The following SLC3A2 variants were observed in gnomAD, a reference collection of about 807,000 sequenced individuals.
The protein encoded by SLC3A2 is amino acid transporter heavy chain SLC3A2.
Under a neutral mutation model 48.5 loss-of-function variants are expected in SLC3A2, and 32 were observed. The observed-to-expected ratio is 0.66, with a 90% CI of 0.50 to 0.89. SLC3A2 has a LOEUF of 0.89. SLC3A2 is among the 40% of genes least tolerant of loss of function. The pLI, the probability that SLC3A2 is intolerant of heterozygous loss-of-function variation, is 0.00. For missense variants in SLC3A2, 587 were observed against 680.7 expected (o/e 0.86, Z 1.53); for synonymous variants, 277 against 288.8 (o/e 0.96, Z 0.41).
At chr11:62,887,866 C>G (rs2085735112) in intron 7 of SLC3A2, 1 of 345,044 alleles carries the variant, frequency 2.9e-6, no homozygotes, top group Admixed American at 4.0e-5. Context: ...AGTCATGGCT[C>G]ACTGCAAGCT....
intron 1 of SLC3A2, among the ~76,000 whole-genome samples, chr11:62,862,753 C>T (rs2085414930): frequency 6.6e-6 from 1 of 152,086 alleles, no homozygotes; most frequent in South Asian, 2.1e-4. Flanking sequence ...CATTGACTGT[C>T]CTACCTTACC....
At chr11:62,865,379 C>T (rs371797062) in intron 1 of SLC3A2, among the ~76,000 whole-genome samples, 15 of 151,956 alleles carry the variant, frequency 9.9e-5, no homozygotes, top group African/African-American at 3.6e-4. Flanking sequence ...GTGGCGAAAC[C>T]CCATCTCTAC....
Position 62,881,392 on chromosome 11 carries a change from C to G in SLC3A2, c.369C>G (p.Leu123=). 11 of 1,596,504 alleles carry G rather than the reference C, an allele frequency of 6.9e-6. No individual in the cohort carries two copies. The highest frequency in any genetic ancestry group is 9.3e-6 in the Non-Finnish European group (11 of 1,177,860). The change falls in exon 1 of 9, where the codon CTC becomes CTG. Residue 123 remains leucine, a synonymous_variant. Coordinates refer to ENST00000338663, the MANE Select transcript of SLC3A2 (RefSeq NM_001013251.3). The surrounding 1 kb of genome is among the most constrained non-coding windows in gnomAD (Gnocchi z 4.0). Reference sequence around the variant, plus strand: ...AGAAGTGGTGGCACACGGGCGCCCTCTACCGCATCGGCGACCTTCAGGCCT... The same window carrying G: ...AGAAGTGGTGGCACACGGGCGCCCTGTACCGCATCGGCGACCTTCAGGCCT... The part of the protein sequence containing the change: ...PAQKWWHTGA[L]YRIGDLQAFQ...
At position 62,856,380 on chromosome 11, in the gene SLC3A2, A is replaced by G. The variant is rs2085322463; in HGVS notation, c.111A>G (p.Ser37=). 2.5e-6 allele frequency: 4 copies of G among 1,606,414 alleles called. No individual in the cohort carries two copies. In the Admixed American group the frequency reaches 5.0e-5, roughly 20 times the overall value. The change falls in exon 1 of 10, where the codon TCA becomes TCG. Residue 37 remains serine (S), a splice_region_variant and synonymous_variant. Coordinates refer to the SLC3A2 transcript ENST00000377889. ...AGGGTCTCAGCGCGGGGGACGACTCAGGTACTGGATCCCGGGCTAAGCTCG... is the reference window on the plus strand; with the variant it reads ...AGGGTCTCAGCGCGGGGGACGACTCGGGTACTGGATCCCGGGCTAAGCTCG...
In SLC3A2 at chr11:62,888,541, T is replaced by TC. The variant is rs768966015; in HGVS notation, c.1440dup (p.Asp481ArgfsTer13). ...GGGCCTCTCGGCTGGACTGCAGGCC[T>TC]CCGACCTGCCTGCCAGCGCCAGCCT... On this transcript the variant is annotated frameshift_variant, in exon 9 of 9. Transcript: ENST00000338663. LOFTEE classifies it low-confidence loss of function (END_TRUNC). 6.2e-7 allele frequency: 1 copy of TC among 1,614,178 alleles called. No homozygotes were observed. Among genetic ancestry groups the TC allele is most frequent in the Non-Finnish European group, 8.5e-7 (1 of 1,180,028 alleles).
At chr11:62,859,647 C>T (rs2085376949) in intron 1 of SLC3A2, among the ~76,000 whole-genome samples, 1 of 152,102 alleles carries the variant, frequency 6.6e-6, no homozygotes. Context: ...GAGCCAAGAT[C>T]ACCCCACTGC....
chr11:62,879,521 C>T (rs1590630823), upstream of SLC3A2, among the ~76,000 whole-genome samples: 1 of 152,208 alleles, frequency 6.6e-6, no homozygotes. Context: ...GGTCTGAACC[C>T]ACTTGCTTGC....
At chr11:62,876,083 T>C (rs1409170717), upstream of SLC3A2, among the ~76,000 whole-genome samples, 1 of 152,242 alleles carries the variant, frequency 6.6e-6, no homozygotes, top group East Asian at 1.9e-4. Flanking sequence ...GAGGCTGGTC[T>C]CAAACTACTG....
chr11:62,880,908 C>G lies in SLC3A2; in HGVS notation c.-116C>G, dbSNP rs1255609987. The stretch of plus-strand genomic sequence containing the variant: ...CCTGCTGCTGAGCAGATGCAGTAGC[C>G]GAAACTGCGCGGAGGCACAGAGGCC... On this transcript the variant is annotated 5_prime_UTR_variant, in exon 1 of 9. Coordinates refer to ENST00000338663, the MANE Select transcript of SLC3A2 (RefSeq NM_001013251.3). The G allele has an allele frequency of 2.8e-6, 4 of 1,451,542 alleles. No homozygotes were observed. The highest frequency in any genetic ancestry group is 3.0e-5 in the South Asian group (2 of 67,762). The allele number at this position is 1,451,542 out of a possible 1,614,324, so 89.9% of individuals were successfully genotyped here. A position where few individuals can be genotyped will look rare whatever the true frequency, so the allele number is the denominator to read the frequency against.
At chr11:62,884,813 CTTTTTTTTTTTTTTTTTTT>C (rs541507991) in intron 5 of SLC3A2, 123 bp downstream of exon 5, 83 of 55,982 alleles carry the variant, frequency 1.5e-3, no homozygotes, top group Non-Finnish European at 1.5e-3. Flanking sequence ...CTTTCTTTAG[CTTTTTTTTTTTTTTTTTTT>C]TTTTTTTTTT....
In SLC3A2 at chr11:62,882,023, C is replaced by T; in HGVS notation, c.555C>T (p.Ser185=). 1 of 1,614,154 alleles carries T rather than the reference C, an allele frequency of 6.2e-7. No individual in the cohort carries two copies. Among genetic ancestry groups the T allele is most frequent in the South Asian group, 1.1e-5 (1 of 91,082 alleles). The part of the protein sequence containing the change: ...DLLQIDPNFG[S]KEDFDSLLQS... ...TGCAGATCGACCCCAATTTTGGCTC[C>T]AAGGAAGATTTTGACAGTCTCTTGC... The change falls in exon 2 of 9, where the codon TCC becomes TCT. Residue 185 remains serine (S), a synonymous_variant. Coordinates refer to ENST00000338663, the MANE Select transcript of SLC3A2 (RefSeq NM_001013251.3).
At chr11:62,874,240 G>T (rs1433906109) in intron 1 of SLC3A2, among the ~76,000 whole-genome samples, 1 of 151,838 alleles carries the variant, frequency 6.6e-6, no homozygotes, top group Non-Finnish European at 1.5e-5. Flanking sequence ...GTCTCTTATT[G>T]CTACTTATCT....
In SLC3A2 at chr11:62,881,356, G is replaced by A. The variant is rs1238286167; in HGVS notation, c.333G>A (p.Glu111=). 1 of 1,596,160 alleles carries A rather than the reference G, an allele frequency of 6.3e-7. No individual in the cohort carries two copies. The highest frequency in any genetic ancestry group is 8.5e-7 in the Non-Finnish European group (1 of 1,176,144). The part of the protein sequence containing the change: ...VIIVRAPRCR[E]LPAQKWWHTG... ...TCGTGCGAGCGCCGCGTTGTCGCGAGCTACCGGCGCAGAAGTGGTGGCACA... is the reference window on the plus strand; with the variant it reads ...TCGTGCGAGCGCCGCGTTGTCGCGAACTACCGGCGCAGAAGTGGTGGCACA... Residue 111 remains glutamate (E), a synonymous_variant, in exon 1 of 9, where the codon GAG becomes GAA. Coordinates refer to ENST00000338663, the MANE Select transcript of SLC3A2 (RefSeq NM_001013251.3). This position sits in a 1 kb window ranked among gnomAD's most constrained non-coding sequence, Gnocchi z 4.0.
intron 2 of SLC3A2, 50 bp from the exon 3 acceptor site, chr11:62,882,858 C>A: frequency 7.0e-7 from 1 of 1,423,020 alleles, no homozygotes; most frequent in South Asian, 1.1e-5. Context: ...TCCTTATTTT[C>A]CCTTAACTCA....
chr11:62,872,283 G>A (rs543983507), intron 1 of SLC3A2, among the ~76,000 whole-genome samples: 1 of 152,166 alleles, frequency 6.6e-6, no homozygotes, highest in Admixed American at 6.6e-5. Context: ...TAGCACTTTG[G>A]GAGGCAGATC....
Position 62,884,453 on chromosome 11 carries a change from A to G in SLC3A2, c.691-4A>G, listed in dbSNP as rs370710305. ...TCTGTCCTTTATTCTTCTGCCCCCT[A>G]TAGGATGCTCTGGAGTTTTGGCTGC... On this transcript the variant is annotated splice_polypyrimidine_tract_variant and splice_region_variant and intron_variant, in intron 3 of 8. Coordinates refer to ENST00000338663, the MANE Select transcript of SLC3A2 (RefSeq NM_001013251.3). 20 of 1,613,924 alleles carry G rather than the reference A, an allele frequency of 1.2e-5. No homozygotes were observed. Among genetic ancestry groups the G allele is most frequent in the East Asian group, 4.5e-5 (2 of 44,890 alleles).
upstream of SLC3A2, chr11:62,876,804 GT>G: frequency 1.9e-6 from 1 of 537,662 alleles, no homozygotes. Flanking sequence ...GTTTCACCAT[GT>G]TAGCCAGGCT....
chr11:62,887,232 T>C (rs1254885912), intron 7 of SLC3A2, among the ~76,000 whole-genome samples: 2 of 152,016 alleles, frequency 1.3e-5, no homozygotes, highest in Non-Finnish European at 2.9e-5. Flanking sequence ...GCCTAGAGAC[T>C]AGGGGATGAT....
intron 1 of SLC3A2, among the ~76,000 whole-genome samples, chr11:62,860,643 T>G (rs1260022740): frequency 6.6e-6 from 1 of 152,076 alleles, no homozygotes. Flanking sequence ...CTTTCACTAA[T>G]CCTTCTCAGC....
Sources: gnomAD v4.1 joint callset for allele counts (sites outside exome capture counted in the v4.1 genomes callset) on GRCh38, gnomAD v4.1.1 for gene constraint, Gnocchi (gnomAD v3.1) non-coding constraint, MANE v1.5 for transcripts, NCBI Gene and HGNC (gene_info 2026-07-23, HGNC 2026-07-21) for gene names.